The following PTPRG variants were observed in gnomAD, a reference collection of about 807,000 sequenced individuals.
The protein encoded by PTPRG is protein tyrosine phosphatase receptor type G, also known as receptor-type tyrosine-protein phosphatase gamma.
PTPRG carries 102 observed loss-of-function variants against 165.3 expected under a neutral mutation model. The observed-to-expected ratio is 0.62, with a 90% CI of 0.53 to 0.73. The LOEUF is 0.73. Among genes scored for constraint, PTPRG ranks in the 30% least tolerant of loss-of-function variants. The pLI is 0.00. For synonymous variants in PTPRG, 675 were observed against 669.5 expected, an observed-to-expected ratio of 1.01 and a Z score of -0.13; for missense variants, 1,866 against 1,861.4, an observed-to-expected ratio of 1.00 and a Z score of -0.05.
chr3:62,284,269 G>GTGTT (rs1434770322), intron 28 of PTPRG, among the ~76,000 whole-genome samples: 2 of 152,072 alleles, frequency 1.3e-5, no homozygotes, highest in African/African-American at 4.8e-5. Flanking sequence ...CTAAACAGAA[G>GTGTT]TGTTTGATTC....
chr3:61,850,651 ATTTAT>A (rs2107363222), intron 2 of PTPRG, among the ~76,000 whole-genome samples: 1 of 152,196 alleles, frequency 6.6e-6, no homozygotes, highest in Non-Finnish European at 1.5e-5. Context: ...TTTTATAGTT[ATTTAT>A]TTGCTTCTCC....
intron 1 of PTPRG, among the ~76,000 whole-genome samples, chr3:61,738,268 A>ATGTG (rs2032808171): frequency 1.1e-4 from 3 of 27,402 alleles, no homozygotes; most frequent in Non-Finnish European, 2.8e-4. Context: ...TTATATATAT[A>ATGTG]TATATATATA....
At chr3:61,954,223 G>A (rs1027457547) in intron 2 of PTPRG, among the ~76,000 whole-genome samples, 5 of 152,180 alleles carry the variant, frequency 3.3e-5, no homozygotes, top group African/African-American at 7.2e-5. Flanking sequence ...AGGTTTGAAT[G>A]TATGCATGGT....
At chr3:61,624,369 G>T (rs1310325902) in intron 1 of PTPRG, among the ~76,000 whole-genome samples, 1 of 152,146 alleles carries the variant, frequency 6.6e-6, no homozygotes, top group African/African-American at 2.4e-5. Flanking sequence ...CAGTAGGGAT[G>T]GTCAGTGAGT....
At chr3:61,943,544 C>T (rs937097481) in intron 2 of PTPRG, among the ~76,000 whole-genome samples, 1 of 152,214 alleles carries the variant, frequency 6.6e-6, no homozygotes, top group Non-Finnish European at 1.5e-5. Context: ...CGCCACTGCA[C>T]TCCAGCCTGG....
At chr3:61,779,812 A>G (rs1699538193) in intron 2 of PTPRG, among the ~76,000 whole-genome samples, 1 of 152,090 alleles carries the variant, frequency 6.6e-6, no homozygotes. Flanking sequence ...TCCTGCTGGC[A>G]CTTGCAACTC....
intron 2 of PTPRG, among the ~76,000 whole-genome samples, chr3:61,837,483 A>G (rs1039233756): frequency 6.6e-6 from 1 of 152,240 alleles, no homozygotes; most frequent in African/African-American, 2.4e-5. Flanking sequence ...GTCTTGCTGA[A>G]TGTTCGGCAT....
chr3:62,226,911 T>G (rs951668138), intron 13 of PTPRG, among the ~76,000 whole-genome samples: 1 of 152,210 alleles, frequency 6.6e-6, no homozygotes, highest in Non-Finnish European at 1.5e-5. Flanking sequence ...TGTTGGTGCC[T>G]CCTCATTAAG....
intron 4 of PTPRG, among the ~76,000 whole-genome samples, chr3:62,074,352 C>CTTTTTTTTTTTTTTTTTTTTT (rs200189646): frequency 1.0e-4 from 11 of 109,112 alleles, no homozygotes; most frequent in African/African-American, 2.7e-4. Flanking sequence ...TCTTTTCTTT[C>CTTTTTTTTTTTTTTTTTTTTT]TTTTTTTTTT....
At chr3:61,968,636 A>G (rs56848954) in intron 2 of PTPRG, among the ~76,000 whole-genome samples, 3,948 of 152,260 alleles carry the variant, frequency 0.026, 130 homozygotes, top group South Asian at 0.082. Context: ...TATTTGATAT[A>G]GATTTCAAAC....
At chr3:62,001,155 T>C (rs2041163951) in intron 3 of PTPRG, among the ~76,000 whole-genome samples, 1 of 152,226 alleles carries the variant, frequency 6.6e-6, no homozygotes, top group Admixed American at 6.5e-5. Context: ...GGGGAAGTTC[T>C]CTCATTCCAG....
At chr3:62,058,878 C>G (rs977081091) in intron 4 of PTPRG, among the ~76,000 whole-genome samples, 1 of 152,172 alleles carries the variant, frequency 6.6e-6, no homozygotes, top group Admixed American at 6.5e-5. Context: ...CTCTTTTCTT[C>G]CCTAAACTGC....
At chr3:62,191,062 T>C (rs868283260) in intron 8 of PTPRG, among the ~76,000 whole-genome samples, 2 of 152,178 alleles carry the variant, frequency 1.3e-5, no homozygotes, top group Non-Finnish European at 2.9e-5. Context: ...TCTGTGTGTG[T>C]GCGCATGTGC....
intron 1 of PTPRG, among the ~76,000 whole-genome samples, chr3:61,675,250 T>G (rs1703181617): frequency 6.6e-6 from 1 of 152,238 alleles, no homozygotes; most frequent in Non-Finnish European, 1.5e-5. Context: ...TGGATAACTT[T>G]TCCGGAGGAT....
At chr3:61,847,846 A>G (rs974290930) in intron 2 of PTPRG, among the ~76,000 whole-genome samples, 4 of 152,266 alleles carry the variant, frequency 2.6e-5, no homozygotes, top group African/African-American at 9.6e-5. Flanking sequence ...GGCTTAAGAC[A>G]GCCTTCTGTC....
intron 2 of PTPRG, among the ~76,000 whole-genome samples, chr3:61,918,823 G>T (rs1466398565): frequency 6.6e-6 from 1 of 152,102 alleles, no homozygotes; most frequent in Non-Finnish European, 1.5e-5. Context: ...TCTGACACAG[G>T]TTTTATATTG....
At position 62,197,514 on chromosome 3, in the gene PTPRG, T is replaced by C. The variant is rs529148815; in HGVS notation, c.1327+2344T>C. Among the ~76,000 whole-genome samples the C allele has an allele frequency of 7.9e-5, 12 of 152,318 alleles. No homozygotes were observed. The South Asian group carries it at 1.9e-3, about 24-fold the overall frequency. Reference sequence around the variant, plus strand: ...TCATGCTCCCTGTGCCCACCTTTACTGTGAACATATTGGTCTCTTTCCCTG... The same window carrying C: ...TCATGCTCCCTGTGCCCACCTTTACCGTGAACATATTGGTCTCTTTCCCTG... On this transcript the variant is annotated intron_variant, in intron 10 of 29. Transcript: ENST00000474889.
At chr3:61,677,730 G>C (rs1195624243) in intron 1 of PTPRG, among the ~76,000 whole-genome samples, 1 of 152,140 alleles carries the variant, frequency 6.6e-6, no homozygotes, top group East Asian at 1.9e-4. Flanking sequence ...CAAATGCACA[G>C]GGTCCCAGAG....
chr3:62,278,802 A>T (rs1485040811), intron 26 of PTPRG, among the ~76,000 whole-genome samples: 1 of 152,056 alleles, frequency 6.6e-6, no homozygotes, highest in African/African-American at 2.4e-5. Flanking sequence ...TTAGCTGGCA[A>T]TAGGGTCTAT....
Sources: allele counts gnomAD v4.1 joint callset (sites outside exome capture counted in the v4.1 genomes callset), GRCh38; gene constraint gnomAD v4.1.1; transcripts MANE v1.5; gene names NCBI Gene and HGNC (gene_info 2026-07-23, HGNC 2026-07-21).